The following ZBTB41 variants were observed in gnomAD, a reference collection of about 807,000 sequenced individuals.
The protein encoded by ZBTB41 is zinc finger and BTB domain containing 41, also known as zinc finger and BTB domain-containing protein 41.
ZBTB41 carries 42 observed loss-of-function variants against 87.6 expected under a neutral mutation model. That is an observed-to-expected ratio of 0.48 (90% CI 0.37 to 0.62). ZBTB41 has a LOEUF of 0.62. Among genes scored for constraint, ZBTB41 ranks in the 20% least tolerant of loss-of-function variants. The pLI is 0.00. For synonymous variants in ZBTB41, 364 were observed against 364.0 expected (o/e 1.00, Z 0.00); for missense variants, 799 against 1,078.9 (o/e 0.74, Z 3.63).
At chr1:197,178,587 G>T in intron 6 of ZBTB41, 75 bp from the exon 7 acceptor site, 1 of 1,052,306 alleles carries the variant, frequency 9.5e-7, no homozygotes, top group Non-Finnish European at 1.3e-6. Context: ...AAACTTACTA[G>T]AAAGGTATTC....
chr1:197,195,533 G>A lies in ZBTB41; in HGVS notation c.1121-3634C>T, dbSNP rs144566904. 7.0e-3 allele frequency among the ~76,000 whole-genome samples: 1,058 copies of A among 152,212 alleles called. 11 individuals are homozygous for A. The highest frequency in any genetic ancestry group is 0.022 in the African/African-American group (911 of 41,540). On this transcript the variant is annotated intron_variant, in intron 2 of 10. Transcript: ENST00000367405. ...AAAATACTTAGCCTTAGAGAGTTGT[G>A]CCATTGTTATAACCCTTTTCTATTA...
chr1:197,199,331 G>A lies in ZBTB41; in HGVS notation c.1120+23C>T, dbSNP rs1660240346. 2.0e-6 allele frequency: 3 copies of A among 1,469,044 alleles called. No individual in the cohort carries two copies. In the Admixed American group the frequency reaches 8.0e-5, roughly 39 times the overall value. The allele number at this position is 1,469,044 out of a possible 1,614,324, so 91.0% of individuals were successfully genotyped here. A position where few individuals can be genotyped will look rare whatever the true frequency, so the allele number is the denominator to read the frequency against. ...CAAGAAAAGTAAGTGATTAGAGATA[G>A]AAAACCAGTTTTCTTTTCTTACCTA... On this transcript the variant is annotated intron_variant, in intron 2 of 10. Coordinates refer to ENST00000367405, the MANE Select transcript of ZBTB41 (RefSeq NM_194314.3).
At chr1:197,187,842 A>G (rs76077666) in intron 5 of ZBTB41, among the ~76,000 whole-genome samples, 1 of 152,334 alleles carries the variant, frequency 6.6e-6, no homozygotes, top group East Asian at 1.9e-4. Context: ...CAAACAAAAT[A>G]CAAAGGTCAG....
intron 1 of ZBTB41, among the ~76,000 whole-genome samples, 121 bp from the exon 2 acceptor site, chr1:197,200,711 C>T (rs749874907): frequency 1.3e-5 from 2 of 152,210 alleles, no homozygotes; most frequent in East Asian, 1.9e-4. Flanking sequence ...TCACAGCTTA[C>T]ACTCATTCGT....
In ZBTB41 at chr1:197,164,772, C is replaced by A. The variant is rs1344379111; in HGVS notation, c.2075-4758G>T. Among the ~76,000 whole-genome samples the A allele has an allele frequency of 1.9e-3, 127 of 67,220 alleles. 8 individuals are homozygous for A. The highest frequency in any genetic ancestry group is 8.4e-3 in the African/African-American group (125 of 14,888). 44.1% of individuals were successfully genotyped at this position (67,220 alleles called of 152,430 possible). ...TATATATATTATATATAATACATATCTAATATATTATATATAATACATATA... is the reference window on the plus strand; with the variant it reads ...TATATATATTATATATAATACATATATAATATATTATATATAATACATATA... On this transcript the variant is annotated intron_variant, in intron 10 of 10. Transcript: ENST00000367405.
Position 197,175,502 on chromosome 1 carries a change from T to C in ZBTB41, c.1880-387A>G, listed in dbSNP as rs139462884. Among the ~76,000 whole-genome samples, 565 of 137,404 alleles carry C rather than the reference T, an allele frequency of 4.1e-3. 6 individuals carry two copies. Among genetic ancestry groups the C allele is most frequent in the African/African-American group, 0.013 (489 of 38,494 alleles). The allele number at this position is 137,404 out of a possible 152,430, so 90.1% of individuals were successfully genotyped here. A position where few individuals can be genotyped will look rare whatever the true frequency, so the allele number is the denominator to read the frequency against. The stretch of plus-strand genomic sequence containing the variant: ...TATACATTAAATTAAGATGAGGGTG[T>C]CTTACTGTTTATAAAAAGGACCCAA... On this transcript the variant is annotated intron_variant, in intron 8 of 10. Coordinates refer to ENST00000367405, the MANE Select transcript of ZBTB41 (RefSeq NM_194314.3).
chr1:197,198,141 C>CT (rs147147256), intron 2 of ZBTB41, among the ~76,000 whole-genome samples: 35 of 152,302 alleles, frequency 2.3e-4, no homozygotes, highest in African/African-American at 7.7e-4. Context: ...TCCAGTCTAA[C>CT]TTTAACAACT....
chr1:197,168,454 GACAA>G (rs1300352011), intron 10 of ZBTB41, among the ~76,000 whole-genome samples: 10 of 152,020 alleles, frequency 6.6e-5, no homozygotes, highest in East Asian at 1.9e-4. Flanking sequence ...CTAAAAAGTT[GACAA>G]ACAAAGCACA....
intron 2 of ZBTB41, among the ~76,000 whole-genome samples, chr1:197,197,859 T>C (rs1431051917): frequency 2.6e-5 from 4 of 152,208 alleles, no homozygotes; most frequent in Non-Finnish European, 5.9e-5. Context: ...AGCCTTCTCT[T>C]ACATAGCATG....
intron 1 of ZBTB41, among the ~76,000 whole-genome samples, chr1:197,200,991 G>A (rs919412759): frequency 3.3e-5 from 5 of 152,184 alleles, no homozygotes; most frequent in Non-Finnish European, 5.9e-5. Flanking sequence ...CTTTCCTCGG[G>A]CGGGCAAGGC....
At chr1:197,172,301 A>T in intron 9 of ZBTB41, 53 bp from the exon 10 acceptor site, 1 of 548,550 alleles carries the variant, frequency 1.8e-6, no homozygotes. Context: ...TAACTATAAT[A>T]AATATGACAA....
intron 5 of ZBTB41, among the ~76,000 whole-genome samples, chr1:197,183,692 C>T (rs1571660814): frequency 6.6e-6 from 1 of 152,156 alleles, no homozygotes. Context: ...AGCAGTTGCT[C>T]CATAAATATT....
intron 10 of ZBTB41, among the ~76,000 whole-genome samples, chr1:197,160,757 T>C (rs1163463876): frequency 6.6e-6 from 1 of 152,124 alleles, no homozygotes; most frequent in Non-Finnish European, 1.5e-5. Flanking sequence ...TAGATACTTA[T>C]GTGGTAAAAG....
rs79415591 is a variant in ZBTB41, at chr1:197,167,351, C to T, written c.2074+4809G>A. On this transcript the variant is annotated intron_variant, in intron 10 of 10. Transcript: ENST00000367405. ...CTCAGACTACAGGCATGCGCCACCA[C>T]GCTTGGCTAATTTTTGGAATTTTTG... Among the ~76,000 whole-genome samples, 1,224 of 152,210 alleles carry T rather than the reference C, an allele frequency of 8.0e-3. 10 individuals carry two copies. The highest frequency in any genetic ancestry group is 0.02 in the Middle Eastern group (6 of 294).
intron 5 of ZBTB41, among the ~76,000 whole-genome samples, chr1:197,184,670 C>T (rs1329949273): frequency 1.3e-5 from 2 of 152,088 alleles, no homozygotes; most frequent in Admixed American, 6.6e-5. Context: ...TATTGGTTCA[C>T]ACTGTGTCCA....
intron 4 of ZBTB41, among the ~76,000 whole-genome samples, chr1:197,189,300 T>C (rs1457128878): frequency 6.6e-6 from 1 of 151,892 alleles, no homozygotes; most frequent in Non-Finnish European, 1.5e-5. Flanking sequence ...CCGAGACGGG[T>C]AGATCACCTG....
chr1:197,164,794 TATATA>T (rs1381772525), intron 10 of ZBTB41, among the ~76,000 whole-genome samples: 1 of 109,120 alleles, frequency 9.2e-6, no homozygotes. Context: ...ATATAATACA[TATATA>T]ATATATTATA....
At chr1:197,160,808 C>T (rs1258602481) in intron 10 of ZBTB41, among the ~76,000 whole-genome samples, 1 of 152,048 alleles carries the variant, frequency 6.6e-6, no homozygotes, top group Non-Finnish European at 1.5e-5. Flanking sequence ...TTGAAATAGG[C>T]AGACCAACAG....
chr1:197,187,671 C>T (rs1393726797), intron 5 of ZBTB41, among the ~76,000 whole-genome samples: 2 of 151,628 alleles, frequency 1.3e-5, no homozygotes, highest in Non-Finnish European at 2.9e-5. Context: ...ATATGGAGGG[C>T]CAATTGTATC....
Sources: gnomAD v4.1 joint callset for allele counts (sites outside exome capture counted in the v4.1 genomes callset) on GRCh38, gnomAD v4.1.1 for gene constraint, MANE v1.5 for transcripts, NCBI Gene and HGNC (gene_info 2026-07-23, HGNC 2026-07-21) for gene names.